Variants in SLC24A2 observed in about 807,000 individuals in gnomAD.
SLC24A2 encodes the protein sodium/potassium/calcium exchanger 2.
A neutral mutation model predicts 62.0 loss-of-function variants in SLC24A2; 36 were observed. The observed-to-expected ratio is 0.58, with a 90% CI of 0.44 to 0.77. The LOEUF is 0.77. Ranked by LOEUF, SLC24A2 falls within the 30% of genes least tolerant of loss-of-function variation. The pLI is 0.00. For missense variants in SLC24A2, 846 were observed against 817.9 expected (o/e 1.03, Z -0.42); for synonymous variants, 358 against 294.0 (o/e 1.22, Z -2.23).
the SLC24A2 span, among the ~76,000 whole-genome samples, chr9:20,030,355 A>G: frequency 6.6e-6 from 1 of 152,222 alleles, no homozygotes; most frequent in Non-Finnish European, 1.5e-5. Flanking sequence ...GGTATACTGA[A>G]GGGGAAGTCA....
chr9:19,848,214 T>C, the SLC24A2 span, among the ~76,000 whole-genome samples: 1 of 152,170 alleles, frequency 6.6e-6, no homozygotes, highest in Non-Finnish European at 1.5e-5. Flanking sequence ...AAAATAAGCA[T>C]TGATTTCTGT....
chr9:19,977,682 G>A, the SLC24A2 span, among the ~76,000 whole-genome samples: 1 of 152,154 alleles, frequency 6.6e-6, no homozygotes, highest in Non-Finnish European at 1.5e-5. Flanking sequence ...GCAGAAAGCA[G>A]GAACAATTTG....
In SLC24A2 at chr9:19,642,671, C is replaced by CTTTTTTTTTTTTTTT. The variant is rs71335440; in HGVS notation, c.931-20387_931-20373dup. On this transcript the variant is annotated intron_variant, in intron 2 of 10. Coordinates refer to ENST00000341998, the MANE Select transcript of SLC24A2 (RefSeq NM_020344.4). ...AGAATGGTTTATATGAGAGCGTATTCTTTTTTTTTTTTTTTTTTTTTTTTT... is the reference window on the plus strand; with the variant it reads ...AGAATGGTTTATATGAGAGCGTATTCTTTTTTTTTTTTTTTTTTTTTTTTTTTTTTTTTTTTTTTT... Among the ~76,000 whole-genome samples the CTTTTTTTTTTTTTTT allele has an allele frequency of 2.5e-5, 2 of 79,850 alleles. 1 individual carries two copies. Among genetic ancestry groups the CTTTTTTTTTTTTTTT allele is most frequent in the African/African-American group, 9.5e-5 (2 of 21,016 alleles). 52.4% of individuals were successfully genotyped at this position (79,850 alleles called of 152,430 possible).
chr9:20,024,148 C>T, the SLC24A2 span, among the ~76,000 whole-genome samples: 1 of 152,142 alleles, frequency 6.6e-6, no homozygotes, highest in Admixed American at 6.5e-5. Context: ...CATTTATCAT[C>T]CTGGGGTGCT....
chr9:19,848,532 G>T, the SLC24A2 span, among the ~76,000 whole-genome samples: 67 of 152,298 alleles, frequency 4.4e-4, no homozygotes, highest in East Asian at 0.01. Flanking sequence ...AAAGTATTGT[G>T]TGTAAATGAT....
At chr9:20,274,022 T>C in the SLC24A2 span, among the ~76,000 whole-genome samples, 1 of 152,162 alleles carries the variant, frequency 6.6e-6, no homozygotes, top group Non-Finnish European at 1.5e-5. Context: ...TCTCCCCTCA[T>C]CCCCAATACC....
intron 5 of SLC24A2, among the ~76,000 whole-genome samples, chr9:19,592,495 C>T (rs3085626): frequency 0.19 from 13,270 of 70,270 alleles, 667 homozygotes; most frequent in Non-Finnish European, 0.24. Flanking sequence ...CCTACCTACC[C>T]ACCTACCTAC....
the SLC24A2 span, among the ~76,000 whole-genome samples, chr9:20,131,850 G>A: frequency 6.6e-6 from 1 of 152,110 alleles, no homozygotes; most frequent in Non-Finnish European, 1.5e-5. Context: ...AGTGTCATAA[G>A]AGAATAAAAT....
At chr9:20,226,403 A>G in the SLC24A2 span, among the ~76,000 whole-genome samples, 2 of 152,164 alleles carry the variant, frequency 1.3e-5, no homozygotes, top group Admixed American at 6.6e-5. Context: ...ATAGTTGTCC[A>G]TTAACTGCAT....
the SLC24A2 span, among the ~76,000 whole-genome samples, chr9:19,809,033 G>T: frequency 6.6e-6 from 1 of 152,140 alleles, no homozygotes; most frequent in Non-Finnish European, 1.5e-5. Flanking sequence ...CTTATTTCTG[G>T]TCCAGTCATA....
At chr9:19,735,717 A>C (rs963771211) in intron 2 of SLC24A2, among the ~76,000 whole-genome samples, 1 of 152,178 alleles carries the variant, frequency 6.6e-6, no homozygotes, top group Admixed American at 6.5e-5. Context: ...AGGGACATGG[A>C]TGAAGCTGGA....
At chr9:20,249,858 C>T in the SLC24A2 span, among the ~76,000 whole-genome samples, 1 of 152,124 alleles carries the variant, frequency 6.6e-6, no homozygotes, top group South Asian at 2.1e-4. Context: ...CAACACTGAC[C>T]TCTTACACCC....
chr9:19,634,863 C>A (rs1818272676), intron 2 of SLC24A2, among the ~76,000 whole-genome samples: 1 of 152,108 alleles, frequency 6.6e-6, no homozygotes. Flanking sequence ...CAAGAGTTAT[C>A]TAATCTTATA....
At chr9:20,055,459 T>C in the SLC24A2 span, among the ~76,000 whole-genome samples, 1 of 152,146 alleles carries the variant, frequency 6.6e-6, no homozygotes, top group Non-Finnish European at 1.5e-5. Flanking sequence ...AACTGTTTAG[T>C]AGGGGGTGTA....
chr9:20,045,692 A>G, the SLC24A2 span, among the ~76,000 whole-genome samples: 1 of 152,038 alleles, frequency 6.6e-6, no homozygotes, highest in African/African-American at 2.4e-5. Flanking sequence ...CGGCCTCCCA[A>G]AGAGCTGGAA....
chr9:19,750,972 C>T (rs867190993), intron 2 of SLC24A2, among the ~76,000 whole-genome samples: 32 of 152,184 alleles, frequency 2.1e-4, no homozygotes, highest in Non-Finnish European at 8.8e-5. Flanking sequence ...GCTTCCTTCT[C>T]GACTGAAGAT....
the SLC24A2 span, among the ~76,000 whole-genome samples, chr9:19,921,181 A>G: frequency 6.6e-6 from 1 of 152,072 alleles, no homozygotes; most frequent in East Asian, 1.9e-4. Context: ...TATTTGATAA[A>G]ATTTCATTTA....
At chr9:19,757,676 A>G (rs1018458275) in intron 2 of SLC24A2, among the ~76,000 whole-genome samples, 2 of 152,208 alleles carry the variant, frequency 1.3e-5, no homozygotes, top group Non-Finnish European at 2.9e-5. Context: ...GAAAAAGATA[A>G]AGACATACTA....
the SLC24A2 span, among the ~76,000 whole-genome samples, chr9:19,999,367 G>C: frequency 6.6e-6 from 1 of 152,088 alleles, no homozygotes; most frequent in Non-Finnish European, 1.5e-5. Context: ...ATATGAGCTT[G>C]GGATTTTTAA....
Sources: gnomAD v4.1 joint callset for allele counts (sites outside exome capture counted in the v4.1 genomes callset) on GRCh38, gnomAD v4.1.1 for gene constraint, MANE v1.5 for transcripts, NCBI Gene and HGNC (gene_info 2026-07-23, HGNC 2026-07-21) for gene names.